The following MIA2 variants were observed in gnomAD, a reference collection of about 807,000 sequenced individuals.
MIA2 encodes the protein MIA SH3 domain ER export factor 2.
Under a neutral mutation model 167.8 loss-of-function variants are expected in MIA2, and 127 were observed. That is an observed-to-expected ratio of 0.76 (90% CI 0.66 to 0.88). MIA2 has a LOEUF of 0.88. Ranked by LOEUF, MIA2 falls within the 40% of genes least tolerant of loss-of-function variation. The pLI is 0.00. For missense variants in MIA2, 1,690 were observed against 1,624.7 expected (o/e 1.04, Z -0.69); for synonymous variants, 552 against 541.9 (o/e 1.02, Z -0.26).
chr14:39,348,123 G>A (rs938399416), intron 27 of MIA2, among the ~76,000 whole-genome samples: 6 of 152,142 alleles, frequency 3.9e-5, no homozygotes, highest in Non-Finnish European at 7.4e-5. Context: ...CTGAGCCACT[G>A]TGCCTGGCCT....
chr14:39,342,081 A>G, intron 25 of MIA2, among the ~76,000 whole-genome samples: 1 of 152,158 alleles, frequency 6.6e-6, no homozygotes, highest in Middle Eastern at 3.2e-3. Context: ...GGTTTGTTAC[A>G]TATGTATACA....
chr14:39,269,116 C>G, intron 6 of MIA2: 1 of 882,426 alleles, frequency 1.1e-6, no homozygotes, highest in African/African-American at 2.0e-5. Context: ...TGCGAGTACC[C>G]TGGCCTGGGG....
chr14:39,364,642 A>C (rs1391400076), intron 23 of MIA2, among the ~76,000 whole-genome samples: 1 of 152,036 alleles, frequency 6.6e-6, no homozygotes, highest in Non-Finnish European at 1.5e-5. Flanking sequence ...TTGCTTATCT[A>C]GAAAAGACTT....
In MIA2 at chr14:39,299,997, C is replaced by T. The variant is rs762088501; in HGVS notation, c.2619+11C>T. On this transcript the variant is annotated intron_variant, in intron 14 of 28. Coordinates refer to ENST00000640607, the MANE Select transcript of MIA2 (RefSeq NM_001329214.4). ...GAAAGTCACATCAAGGTAAATGGCT[C>T]TACTGGTTTTAGTGATCAAGTTGGC... 6.3e-6 allele frequency: 10 copies of T among 1,583,386 alleles called. No individual in the cohort carries two copies. In the African/African-American group the frequency reaches 9.7e-5, roughly 15 times the overall value.
chr14:39,267,686 G>C (rs1168967457), intron 6 of MIA2, among the ~76,000 whole-genome samples: 1 of 152,250 alleles, frequency 6.6e-6, no homozygotes, highest in African/African-American at 2.4e-5. Flanking sequence ...GCAGTAGTTA[G>C]GCTCGTAGGG....
intron 23 of MIA2, among the ~76,000 whole-genome samples, chr14:39,368,640 T>C (rs1022775134): frequency 3.3e-5 from 5 of 149,458 alleles, no homozygotes; most frequent in African/African-American, 1.3e-4. Flanking sequence ...TTTTCTACTT[T>C]TCTTATATTT....
chr14:39,245,754 C>T (rs554387392), intron 3 of MIA2, among the ~76,000 whole-genome samples: 7 of 152,116 alleles, frequency 4.6e-5, no homozygotes, highest in African/African-American at 1.7e-4. Flanking sequence ...ATAAGGGAAC[C>T]CACTCCTGTG....
downstream of MIA2, among the ~76,000 whole-genome samples, chr14:39,354,409 G>A (rs1004459713): frequency 3.3e-5 from 5 of 151,650 alleles, no homozygotes; most frequent in East Asian, 9.7e-4. Context: ...TGTTGATGGG[G>A]CTGTTTTTTT....
rs930663170 is a variant in MIA2, at chr14:39,314,925, G to A, written c.3180+126G>A. 1.2e-5 allele frequency: 8 copies of A among 650,240 alleles called. No homozygotes were observed. The African/African-American group carries it at 1.3e-4, about 10-fold the overall frequency. 40.3% of individuals were successfully genotyped at this position (650,240 alleles called of 1,614,324 possible). A position where few individuals can be genotyped will look rare whatever the true frequency, so the allele number is the denominator to read the frequency against. ...ACCAGTTGTATACCTCTTTTGAGGT[G>A]TTGCATGTGGCTGTGGGACATTTCC... On this transcript the variant is annotated intron_variant, in intron 20 of 28. Transcript: ENST00000640607.
At chr14:39,294,163 T>C in intron 12 of MIA2, 92 bp downstream of exon 12, 1 of 898,420 alleles carries the variant, frequency 1.1e-6, no homozygotes, top group Non-Finnish European at 1.7e-6. Flanking sequence ...ATAGTAGGAT[T>C]TGAGATATAG....
chr14:39,342,999 C>T (rs963057450), intron 25 of MIA2, among the ~76,000 whole-genome samples: 1 of 152,106 alleles, frequency 6.6e-6, no homozygotes, highest in African/African-American at 2.4e-5. Context: ...TAACCATTTC[C>T]TGTTGGTGAG....
chr14:39,385,606 TG>T (rs2075259915), intron 23 of MIA2: 2 of 811,064 alleles, frequency 2.5e-6, no homozygotes, highest in Non-Finnish European at 4.5e-6. Flanking sequence ...ATCTACTTGC[TG>T]GGTCTCTGGA....
chr14:39,357,319 T>A (rs2074555446), intron 23 of MIA2, among the ~76,000 whole-genome samples: 1 of 152,236 alleles, frequency 6.6e-6, no homozygotes, highest in African/African-American at 2.4e-5. Context: ...GCCTTGTTTG[T>A]CTCTTTTGAT....
intron 1 of MIA2, among the ~76,000 whole-genome samples, chr14:39,235,899 A>G (rs918650085): frequency 2.6e-5 from 4 of 152,222 alleles, no homozygotes; most frequent in Non-Finnish European, 5.9e-5. Context: ...ATAGAAATTT[A>G]TAATGTTATT....
At chr14:39,281,388 C>T (rs568594730) in intron 9 of MIA2, among the ~76,000 whole-genome samples, 1 of 152,092 alleles carries the variant, frequency 6.6e-6, no homozygotes, top group South Asian at 2.1e-4. Context: ...TTTGTTTGCC[C>T]ACACTTCAGT....
chr14:39,297,663 T>TTG (rs1555375049), intron 13 of MIA2, among the ~76,000 whole-genome samples: 1 of 47,478 alleles, frequency 2.1e-5, no homozygotes, highest in Admixed American at 1.9e-4. Flanking sequence ...CTGTAGGGTT[T>TTG]TGCGTGTGTG....
chr14:39,256,944 G>A (rs931135772), intron 6 of MIA2, among the ~76,000 whole-genome samples: 1 of 152,140 alleles, frequency 6.6e-6, no homozygotes, highest in African/African-American at 2.4e-5. Context: ...TTAATCCTGA[G>A]TTCTAGTTTG....
intron 6 of MIA2, chr14:39,267,381 G>T: frequency 6.2e-7 from 1 of 1,601,424 alleles, no homozygotes; most frequent in Non-Finnish European, 8.5e-7. Flanking sequence ...CCGGACCGAA[G>T]GCTGTGTGTT....
At chr14:39,302,463 CACTT>C (rs2062677283) in intron 15 of MIA2, among the ~76,000 whole-genome samples, 1 of 152,210 alleles carries the variant, frequency 6.6e-6, no homozygotes, top group Non-Finnish European at 1.5e-5. Flanking sequence ...TGCTCAGACA[CACTT>C]ACAGCCTCCT....
Sources: gnomAD v4.1 joint callset for allele counts (sites outside exome capture counted in the v4.1 genomes callset) on GRCh38, gnomAD v4.1.1 for gene constraint, MANE v1.5 for transcripts, NCBI Gene and HGNC (gene_info 2026-07-23, HGNC 2026-07-21) for gene names.